ROR1: variants seen among roughly 807,000 people sequenced by gnomAD.
The protein encoded by ROR1 is ROR family WNT receptor 1, also known as inactive tyrosine-protein kinase transmembrane receptor ROR1.
A neutral mutation model predicts 78.8 loss-of-function variants in ROR1; 19 were observed. The observed-to-expected ratio is 0.24, with a 90% CI of 0.17 to 0.35. ROR1 has a LOEUF of 0.35. ROR1 is among the 10% of genes least tolerant of loss of function. The probability of loss-of-function intolerance (pLI) is 1.00; values close to 1 mark genes in which losing one functional copy is unlikely to be tolerated. For synonymous variants in ROR1, 386 were observed against 433.6 expected, an observed-to-expected ratio of 0.89 and a Z score of 1.36; for missense variants, 917 against 1,177.8, an observed-to-expected ratio of 0.78 and a Z score of 3.24.
At position 64,035,311 on chromosome 1, in the gene ROR1, G is replaced by A. The variant is rs377015713; in HGVS notation, c.164-14380G>A. On this transcript the variant is annotated intron_variant, in intron 2 of 8. Transcript: ENST00000371079. ...GAAAGGGTTCCATTGCACACGAAGA[G>A]GAAGCTTAAGTTAGACAATGTTTGT... 7.2e-5 allele frequency among the ~76,000 whole-genome samples: 11 copies of A among 152,314 alleles called. 1 individual carries two copies. The highest frequency in any genetic ancestry group is 1.4e-4 in the African/African-American group (6 of 41,570).
intron 1 of ROR1, among the ~76,000 whole-genome samples, chr1:63,806,841 C>A (rs1469716562): frequency 6.6e-6 from 1 of 152,112 alleles, no homozygotes; most frequent in Non-Finnish European, 1.5e-5. Flanking sequence ...TATCATAAGC[C>A]ATTTCAGAAT....
intron 8 of ROR1, among the ~76,000 whole-genome samples, chr1:64,164,779 G>A (rs1046318606): frequency 4.6e-5 from 7 of 152,086 alleles, no homozygotes; most frequent in African/African-American, 1.4e-4. Context: ...AGGCCCCAGG[G>A]TGTGTTGTTC....
intron 8 of ROR1, among the ~76,000 whole-genome samples, chr1:64,173,526 T>G (rs1229472344): frequency 6.6e-6 from 1 of 152,196 alleles, no homozygotes; most frequent in Non-Finnish European, 1.5e-5. Flanking sequence ...CCAGCAGGCT[T>G]CTCTGGTTTC....
intron 1 of ROR1, among the ~76,000 whole-genome samples, chr1:63,936,308 G>T (rs1426019125): frequency 1.3e-5 from 2 of 152,118 alleles, no homozygotes; most frequent in Non-Finnish European, 2.9e-5. Context: ...GCTAAGCAAG[G>T]GGTGCTCTAA....
chr1:64,040,523 A>G (rs1646737799), intron 2 of ROR1, among the ~76,000 whole-genome samples: 1 of 152,216 alleles, frequency 6.6e-6, no homozygotes, highest in Non-Finnish European at 1.5e-5. Context: ...TTCAGCTGCT[A>G]TAATAAACTA....
intron 1 of ROR1, among the ~76,000 whole-genome samples, chr1:63,969,436 T>G (rs1530887): frequency 0.33 from 50,368 of 152,036 alleles, 10,456 homozygotes; most frequent in East Asian, 0.66. Context: ...TCTATAAGTC[T>G]AGGCTGGGGT....
chr1:64,084,977 A>G (rs547747191), intron 4 of ROR1, among the ~76,000 whole-genome samples: 10 of 152,196 alleles, frequency 6.6e-5, no homozygotes, highest in Non-Finnish European at 1.5e-4. Context: ...AAATAATTTT[A>G]TGAATAATCT....
chr1:63,861,767 G>A (rs553656356), intron 1 of ROR1, among the ~76,000 whole-genome samples: 1 of 152,234 alleles, frequency 6.6e-6, no homozygotes, highest in African/African-American at 2.4e-5. Context: ...TACAATATCA[G>A]GATGTTAAGA....
intron 1 of ROR1, among the ~76,000 whole-genome samples, chr1:63,925,939 G>A (rs1282451606): frequency 1.5e-4 from 23 of 148,960 alleles, no homozygotes; most frequent in Admixed American, 2.7e-4. Flanking sequence ...AGTAGGTTGC[G>A]AAAATTTTCT....
At chr1:63,952,297 G>T (rs1199838019) in intron 1 of ROR1, among the ~76,000 whole-genome samples, 3 of 152,102 alleles carry the variant, frequency 2.0e-5, no homozygotes, top group Non-Finnish European at 4.4e-5. Flanking sequence ...GGGCCTTTTC[G>T]AGGAAGGTCC....
At chr1:63,975,524 G>A (rs1293552581) in intron 1 of ROR1, among the ~76,000 whole-genome samples, 1 of 152,170 alleles carries the variant, frequency 6.6e-6, no homozygotes, top group Non-Finnish European at 1.5e-5. Context: ...CTTTGGGTCA[G>A]CTGTCTTCCA....
At chr1:64,000,396 A>T (rs544942643) in intron 1 of ROR1, among the ~76,000 whole-genome samples, 1 of 152,232 alleles carries the variant, frequency 6.6e-6, no homozygotes, top group South Asian at 2.1e-4. Flanking sequence ...TAAACAAATT[A>T]TTTTATTGTA....
At chr1:64,000,784 T>G (rs889993379) in intron 1 of ROR1, among the ~76,000 whole-genome samples, 1 of 152,222 alleles carries the variant, frequency 6.6e-6, no homozygotes, top group Non-Finnish European at 1.5e-5. Context: ...CTTCCTGCCC[T>G]TTGGGATTCC....
intron 4 of ROR1, among the ~76,000 whole-genome samples, chr1:64,119,287 A>G (rs868834689): frequency 6.6e-6 from 1 of 152,140 alleles, no homozygotes; most frequent in Non-Finnish European, 1.5e-5. Context: ...AAGGGAAAGT[A>G]TATACCCCCA....
rs1246577217 is a variant in ROR1 at position 63,933,612 on chromosome 1, C to T, written c.92-75693C>T. The stretch of plus-strand genomic sequence containing the variant: ...CAGAGATACTAACATTTATTGAACA[C>T]CAACTGCTTTGTACGTTTTATCTAA... On this transcript the variant is annotated intron_variant, in intron 1 of 8. Coordinates refer to ENST00000371079, the MANE Select transcript of ROR1 (RefSeq NM_005012.4). Among the ~76,000 whole-genome samples, 4 of 152,332 alleles carry T rather than the reference C, an allele frequency of 2.6e-5. No homozygotes were observed. The East Asian group carries it at 7.7e-4, about 29-fold the overall frequency.
intron 8 of ROR1, chr1:64,171,276 G>A (rs1045752974): frequency 1.2e-4 from 19 of 157,544 alleles, no homozygotes; most frequent in East Asian, 5.5e-4. Context: ...CACATCTTAC[G>A]TGGATGGCAG....
intron 1 of ROR1, among the ~76,000 whole-genome samples, chr1:63,828,169 A>G (rs1472799678): frequency 6.6e-6 from 1 of 152,208 alleles, no homozygotes; most frequent in Non-Finnish European, 1.5e-5. Context: ...GAGGAAACCC[A>G]AATCCAGGTT....
chr1:63,988,734 A>G (rs1258490565), intron 1 of ROR1, among the ~76,000 whole-genome samples: 1 of 152,218 alleles, frequency 6.6e-6, no homozygotes, highest in Admixed American at 6.5e-5. Flanking sequence ...GTGGAATCAT[A>G]TAGTATTTGT....
intron 1 of ROR1, among the ~76,000 whole-genome samples, chr1:63,810,528 A>C (rs943342799): frequency 1.3e-5 from 2 of 152,244 alleles, no homozygotes; most frequent in African/African-American, 4.8e-5. Context: ...ATGTAATGCC[A>C]TAAGTGGTGT....
Sources: gnomAD v4.1 joint callset for allele counts (sites outside exome capture counted in the v4.1 genomes callset) on GRCh38, gnomAD v4.1.1 for gene constraint, MANE v1.5 for transcripts, NCBI Gene and HGNC (gene_info 2026-07-23, HGNC 2026-07-21) for gene names.